The following CIAPIN1 variants were observed in gnomAD, a reference collection of about 807,000 sequenced individuals.
The protein encoded by CIAPIN1 is anamorsin.
In CIAPIN1, 18 loss-of-function variants were observed where a neutral mutation model predicts 34.3. The observed-to-expected ratio is 0.52, with a 90% CI of 0.36 to 0.78. The LOEUF is 0.78. Among genes scored for constraint, CIAPIN1 ranks in the 30% least tolerant of loss-of-function variants. The pLI, the probability that CIAPIN1 is intolerant of heterozygous loss-of-function variation, is 0.00. For missense variants in CIAPIN1, 310 were observed against 372.5 expected (o/e 0.83, Z 1.38); for synonymous variants, 131 against 140.4 (o/e 0.93, Z 0.47).
chr16:57,437,501 A>G (rs1439056103), intron 3 of CIAPIN1, among the ~76,000 whole-genome samples: 1 of 150,698 alleles, frequency 6.6e-6, no homozygotes, highest in Non-Finnish European at 1.5e-5. Flanking sequence ...TATATATTTT[A>G]GTGATATTAT....
rs565409419 is a variant in CIAPIN1, at chr16:57,428,311, G to C, written c.*859C>G. 1 of 152,124 alleles carries C rather than the reference G, an allele frequency of 6.6e-6. No individual in the cohort carries two copies. Among genetic ancestry groups the C allele is most frequent in the Non-Finnish European group, 1.5e-5 (1 of 68,024 alleles). 9.4% of individuals were successfully genotyped at this position (152,124 alleles called of 1,614,324 possible). On this transcript the variant is annotated 3_prime_UTR_variant, in exon 9 of 9. Coordinates refer to ENST00000394391, the MANE Select transcript of CIAPIN1 (RefSeq NM_020313.4). ...ATATGGGTGGATAACAAGAACAAAG[G>C]GGTCTCTGCTCAGAGAGACGTATTG...
intron 2 of CIAPIN1, among the ~76,000 whole-genome samples, chr16:57,440,283 A>C (rs1184068169): frequency 2.0e-5 from 3 of 152,182 alleles, no homozygotes; most frequent in Admixed American, 6.5e-5. Context: ...TATCTATGAC[A>C]ATGCGTGCCC....
intron 5 of CIAPIN1, 71 bp from the exon 6 acceptor site, chr16:57,432,631 A>G (rs1903113977): frequency 1.5e-6 from 2 of 1,360,268 alleles, no homozygotes; most frequent in South Asian, 2.4e-5. Context: ...ACATACATAA[A>G]TGCTTCCTGC....
In CIAPIN1 at chr16:57,439,363, T is replaced by A. The variant is rs374870018; in HGVS notation, c.158-29A>T. 2.5e-6 allele frequency: 4 copies of A among 1,613,104 alleles called. No homozygotes were observed. The African/African-American group carries it at 5.3e-5, about 22-fold the overall frequency. On this transcript the variant is annotated intron_variant, in intron 2 of 8. Coordinates refer to ENST00000394391, the MANE Select transcript of CIAPIN1 (RefSeq NM_020313.4). ...AAAAGAAGAGGACTCTAATTAGCAA[T>A]CTCCTGAGCCTGGGATAATCTCCTG...
rs145423746 is a variant in CIAPIN1 at position 57,437,512 on chromosome 16, T to TTTATTATTA, written c.311-789_311-781dup. On this transcript the variant is annotated intron_variant, in intron 3 of 8. Coordinates refer to ENST00000394391, the MANE Select transcript of CIAPIN1 (RefSeq NM_020313.4). ...TGTATATATATTTTAGTGATATTAT[T>TTTATTATTA]TTATTATTATTATTATTATTATTAT... 1.2e-3 allele frequency among the ~76,000 whole-genome samples: 174 copies of TTTATTATTA among 150,056 alleles called. 1 individual carries two copies. The highest frequency in any genetic ancestry group is 2.6e-3 in the Admixed American group (39 of 15,052).
chr16:57,429,774 G>A (rs997657873), intron 8 of CIAPIN1, among the ~76,000 whole-genome samples: 47 of 142,300 alleles, frequency 3.3e-4, no homozygotes, highest in African/African-American at 1.2e-3. Context: ...TTACAGGCGT[G>A]AGCCACCGCA....
Position 57,431,373 on chromosome 16 carries a change from G to T in CIAPIN1, c.631-107C>A. 4.5e-6 allele frequency: 3 copies of T among 670,824 alleles called. No homozygotes were observed. In the East Asian group the frequency reaches 7.9e-5, roughly 18 times the overall value. The allele number at this position is 670,824 out of a possible 1,614,324, so 41.6% of individuals were successfully genotyped here. On this transcript the variant is annotated intron_variant, in intron 6 of 8. Transcript: ENST00000394391. ...AAACTTGGAGTCCAGGGTAAAGAAG[G>T]TGTCCACCCTGTCCTCCTTTTGGTT...
chr16:57,438,561 CTTTTA>C (rs1194078981), intron 3 of CIAPIN1, among the ~76,000 whole-genome samples: 3 of 152,126 alleles, frequency 2.0e-5, no homozygotes, highest in African/African-American at 2.4e-5. Context: ...GATTTCATTT[CTTTTA>C]TATGTACTCG....
At position 57,431,143 on chromosome 16, in the gene CIAPIN1, G is replaced by A; in HGVS notation, c.746+8C>T. On this transcript the variant is annotated splice_region_variant and intron_variant, in intron 7 of 8. Transcript: ENST00000394391. Reference sequence around the variant, plus strand: ...AGCATGGCAGGCTCCAGTCACCCCAGCACTCACCAGTTCTTACAGGCCTTC... The same window carrying A: ...AGCATGGCAGGCTCCAGTCACCCCAACACTCACCAGTTCTTACAGGCCTTC... 6.3e-7 allele frequency: 1 copy of A among 1,579,482 alleles called. No individual in the cohort carries two copies. The highest frequency in any genetic ancestry group is 8.7e-7 in the Non-Finnish European group (1 of 1,149,888).
intron 4 of CIAPIN1, 70 bp downstream of exon 4, chr16:57,436,586 G>A (rs572598714): frequency 4.2e-6 from 5 of 1,179,616 alleles, no homozygotes; most frequent in Non-Finnish European, 6.3e-6. Context: ...AGCATTTCTT[G>A]TTTCCTAGTT....
chr16:57,443,784 A>G (rs1348510952), intron 1 of CIAPIN1, among the ~76,000 whole-genome samples: 2 of 152,222 alleles, frequency 1.3e-5, no homozygotes, highest in African/African-American at 2.4e-5. Flanking sequence ...ACAGCACACA[A>G]TCAAGAACTG....
intron 1 of CIAPIN1, among the ~76,000 whole-genome samples, chr16:57,443,514 G>C (rs994905659): frequency 1.3e-5 from 2 of 152,240 alleles, no homozygotes; most frequent in African/African-American, 4.8e-5. Flanking sequence ...CTGGAATGCA[G>C]TGGCACAATC....
At position 57,439,276 on chromosome 16, in the gene CIAPIN1, G is replaced by A; in HGVS notation, c.216C>T (p.Thr72=). The A allele has an allele frequency of 6.2e-7, 1 of 1,614,142 alleles. No individual in the cohort carries two copies. The stretch of plus-strand genomic sequence containing the variant: ...CCAAAATCTCAGCACTGTGCAGAGT[G>A]GTGCTTCCTGGGACTAAACCTGACA... ...IILSGLVPGS[T]TLHSAEILAE... The change falls in exon 3 of 9, where the codon ACC becomes ACT. Residue 72 remains threonine (T), a synonymous_variant. Transcript: ENST00000394391.
At chr16:57,437,114 G>C (rs1227586927) in intron 3 of CIAPIN1, among the ~76,000 whole-genome samples, 1 of 152,034 alleles carries the variant, frequency 6.6e-6, no homozygotes, top group Admixed American at 6.6e-5. Context: ...ACAACAGAGT[G>C]AGACTTGATC....
At position 57,436,567 on chromosome 16, in the gene CIAPIN1, T is replaced by C. The variant is rs1334397898; in HGVS notation, c.387+89A>G. 3.9e-6 allele frequency: 4 copies of C among 1,017,140 alleles called. No homozygotes were observed. The East Asian group carries it at 7.6e-5, about 19-fold the overall frequency. The allele number at this position is 1,017,140 out of a possible 1,614,324, so 63.0% of individuals were successfully genotyped here. A position where few individuals can be genotyped will look rare whatever the true frequency, so the allele number is the denominator to read the frequency against. On this transcript the variant is annotated intron_variant, in intron 4 of 8. Coordinates refer to ENST00000394391, the MANE Select transcript of CIAPIN1 (RefSeq NM_020313.4). The stretch of plus-strand genomic sequence containing the variant: ...TTGTCCTTTGAAGCATCATGTATCT[T>C]ACATGCACAGCATTTCTTGTTTCCT...
chr16:57,429,860 C>T (rs1453078758), intron 8 of CIAPIN1, among the ~76,000 whole-genome samples: 4 of 151,508 alleles, frequency 2.6e-5, no homozygotes, highest in African/African-American at 9.7e-5. Flanking sequence ...GATCTCAGCT[C>T]ACTCCACCTC....
chr16:57,438,480 A>G (rs1903251979), intron 3 of CIAPIN1, among the ~76,000 whole-genome samples: 1 of 152,232 alleles, frequency 6.6e-6, no homozygotes, highest in African/African-American at 2.4e-5. Flanking sequence ...CCCCACAGTT[A>G]ACATCTTACC....
intron 5 of CIAPIN1, among the ~76,000 whole-genome samples, 159 bp from the exon 6 acceptor site, chr16:57,432,719 G>C (rs1214266378): frequency 6.6e-6 from 1 of 152,250 alleles, no homozygotes; most frequent in Non-Finnish European, 1.5e-5. Flanking sequence ...TGAGAGGTCT[G>C]ACCTTGGGCC....
intron 8 of CIAPIN1, among the ~76,000 whole-genome samples, chr16:57,429,791 CTTT>C (rs780926941): frequency 1.8e-5 from 2 of 111,184 alleles, no homozygotes; most frequent in Admixed American, 9.9e-5. Flanking sequence ...CGCACCCGGC[CTTT>C]TTTTTTTTTT....
Sources: allele counts gnomAD v4.1 joint callset (sites outside exome capture counted in the v4.1 genomes callset), GRCh38; gene constraint gnomAD v4.1.1; transcripts MANE v1.5; gene names NCBI Gene and HGNC (gene_info 2026-07-23, HGNC 2026-07-21).